Variants in MYO1B observed in about 807,000 individuals in gnomAD.
MYO1B encodes the protein myosin IB.
MYO1B carries 72 observed loss-of-function variants against 159.7 expected under a neutral mutation model. The ratio of observed to expected loss-of-function variants is 0.45; its 90% CI spans 0.37 to 0.55. The LOEUF is 0.55. Among genes scored for constraint, MYO1B ranks in the 20% least tolerant of loss-of-function variants. The probability of loss-of-function intolerance (pLI) is 0.00; values close to 1 mark genes in which losing one functional copy is unlikely to be tolerated. For synonymous variants in MYO1B, 468 were observed against 473.8 expected (o/e 0.99, Z 0.16); for missense variants, 1,062 against 1,364.8 (o/e 0.78, Z 3.50).
At chr2:191,394,844 G>A (rs757986778) in intron 20 of MYO1B, among the ~76,000 whole-genome samples, 21 of 152,170 alleles carry the variant, frequency 1.4e-4, no homozygotes, top group Non-Finnish European at 2.9e-4. Context: ...CAGGAGTTAT[G>A]AGCAATATTA....
chr2:191,331,032 G>A (rs1202929012), intron 4 of MYO1B, among the ~76,000 whole-genome samples: 3 of 152,112 alleles, frequency 2.0e-5, no homozygotes, highest in African/African-American at 7.2e-5. Context: ...TATCTACATC[G>A]AAATGGTTTT....
intron 2 of MYO1B, among the ~76,000 whole-genome samples, chr2:191,288,419 G>T (rs1035665218): frequency 1.3e-5 from 2 of 152,048 alleles, no homozygotes; most frequent in African/African-American, 4.8e-5. Context: ...GCAGTTCATA[G>T]TGACCTTTCT....
In MYO1B at chr2:191,409,806, C is replaced by T. The variant is rs546994848; in HGVS notation, c.2766+628C>T. ...TGCCCAGCATGGAACACGTGGGGCA[C>T]TTGTATAGATGTTGACCTTACTTCG... On this transcript the variant is annotated intron_variant, in intron 26 of 30. Transcript: ENST00000392318. Among the ~76,000 whole-genome samples the T allele has an allele frequency of 2.0e-5, 3 of 152,216 alleles. No homozygotes were observed. In the South Asian group the frequency reaches 6.2e-4, roughly 32 times the overall value.
Position 191,402,707 on chromosome 2 carries a change from C to T in MYO1B, c.2545C>T (p.Leu849Phe), listed in dbSNP as rs921385340. ...HAVAVIWAYW[L>F]GLKVRREYRK... is the part of the protein sequence containing the mutation. ...AGTTGCTGTCATTTGGGCTTACTGG[C>T]TTGGACTGAAGGTACTTCCTCAACC... is the stretch of plus-strand genomic sequence containing the variant. The change falls in exon 24 of 31, where the codon CTT becomes TTT. Residue 849 changes from leucine to phenylalanine, a missense_variant. Physicochemically the swap from Leu to Phe is conservative, Grantham distance 22. This residue lies in a region of MYO1B where 609 missense variants were observed against 744.4 expected (regional missense o/e 0.82). Coordinates refer to ENST00000392318, the MANE Select transcript of MYO1B (RefSeq NM_001130158.3). The T allele has an allele frequency of 2.5e-6, 4 of 1,612,792 alleles. No homozygotes were observed. In the African/African-American group the frequency reaches 5.3e-5, roughly 22 times the overall value.
intron 1 of MYO1B, among the ~76,000 whole-genome samples, chr2:191,270,108 G>A (rs897582370): frequency 1.3e-5 from 2 of 152,088 alleles, no homozygotes; most frequent in African/African-American, 4.8e-5. Flanking sequence ...AGTGGTGGGG[G>A]CATTATGGAT....
At position 191,260,100 on chromosome 2, in the gene MYO1B, A is replaced by G. The variant is rs1210759935; in HGVS notation, c.-10+14474A>G. The stretch of plus-strand genomic sequence containing the variant: ...GAATGGAGAAGCACTAAGGAAAATA[A>G]GGAGTGTCCGGAGGTGGGATGTGGA... On this transcript the variant is annotated intron_variant, in intron 1 of 30. Coordinates refer to ENST00000392318, the MANE Select transcript of MYO1B (RefSeq NM_001130158.3). Among the ~76,000 whole-genome samples, 3 of 152,050 alleles carry G rather than the reference A, an allele frequency of 2.0e-5. No homozygotes were observed. In the East Asian group the frequency reaches 5.8e-4, roughly 29 times the overall value.
At position 191,396,443 on chromosome 2, in the gene MYO1B, C is replaced by T. The variant is rs1355720513; in HGVS notation, c.2241C>T (p.Tyr747=). The T allele has an allele frequency of 4.3e-6, 7 of 1,614,014 alleles. No individual in the cohort carries two copies. In the African/African-American group the frequency reaches 6.7e-5, roughly 15 times the overall value. Residue 747 remains tyrosine (Y), a synonymous_variant, in exon 21 of 31, where the codon TAC becomes TAT. Coordinates refer to ENST00000392318, the MANE Select transcript of MYO1B (RefSeq NM_001130158.3). Reference sequence around the variant, plus strand: ...TTATCCTACAGCAACAAAAGAGGTACCAGCAGACAAAGAGTTCCGCCTTAG... The same window carrying T: ...TTATCCTACAGCAACAAAAGAGGTATCAGCAGACAAAGAGTTCCGCCTTAG... ...WYRRYAQQKR[Y]QQTKSSALVI...
At chr2:191,296,344 A>C (rs913445156) in intron 3 of MYO1B, 118 bp downstream of exon 3, 10 of 416,810 alleles carry the variant, frequency 2.4e-5, no homozygotes, top group Non-Finnish European at 4.0e-5. Context: ...TTTTTTTAAA[A>C]AGTTTGATAA....
intron 2 of MYO1B, among the ~76,000 whole-genome samples, chr2:191,291,316 G>A (rs529802576): frequency 9.2e-5 from 14 of 152,272 alleles, no homozygotes; most frequent in African/African-American, 2.9e-4. Flanking sequence ...TAGGAAGGTC[G>A]AGATGGTTTT....
intron 1 of MYO1B, among the ~76,000 whole-genome samples, chr2:191,265,296 T>G (rs1487841748): frequency 2.0e-5 from 3 of 151,538 alleles, no homozygotes; most frequent in Admixed American, 6.6e-5. Context: ...CCAAAACTAA[T>G]GGGTAGAGGA....
At chr2:191,380,733 A>C (rs920597060) in intron 13 of MYO1B, among the ~76,000 whole-genome samples, 5 of 152,086 alleles carry the variant, frequency 3.3e-5, no homozygotes, top group African/African-American at 1.2e-4. Context: ...ACAGAGAGAG[A>C]GATTGTTTCT....
At chr2:191,347,193 T>C (rs1692623856) in intron 6 of MYO1B, among the ~76,000 whole-genome samples, 1 of 152,176 alleles carries the variant, frequency 6.6e-6, no homozygotes, top group Admixed American at 6.5e-5. Context: ...CTTTCCTCCT[T>C]AAGGTTATTT....
intron 13 of MYO1B, chr2:191,377,567 A>T (rs1044086754): frequency 6.6e-6 from 1 of 152,126 alleles, no homozygotes; most frequent in Non-Finnish European, 1.5e-5. Context: ...GGGCCTTCCT[A>T]TTCATCTGGT....
chr2:191,379,720 A>T (rs1393655468), intron 13 of MYO1B, among the ~76,000 whole-genome samples: 2 of 152,174 alleles, frequency 1.3e-5, no homozygotes, highest in East Asian at 3.8e-4. Flanking sequence ...TGCTCTTATA[A>T]GTTATTAATG....
At chr2:191,332,348 T>C (rs1283221793) in intron 4 of MYO1B, among the ~76,000 whole-genome samples, 2 of 151,220 alleles carry the variant, frequency 1.3e-5, no homozygotes, top group African/African-American at 4.9e-5. Flanking sequence ...AAGTAAGATA[T>C]TATAGGATTT....
chr2:191,384,329 T>C lies in MYO1B; in HGVS notation c.1353+987T>C, dbSNP rs192778142. On this transcript the variant is annotated intron_variant, in intron 15 of 30. Transcript: ENST00000392318. ...AGCAAGACCAGTTTAGTGAGATGAG[T>C]GCTGTGTTTCAGGAATACAGTCACA... Among the ~76,000 whole-genome samples, 348 of 152,318 alleles carry C rather than the reference T, an allele frequency of 2.3e-3. 3 individuals are homozygous for C. The highest frequency in any genetic ancestry group is 3.5e-3 in the Non-Finnish European group (236 of 68,022).
Position 191,296,190 on chromosome 2 carries a change from A to G in MYO1B, c.215A>G (p.Tyr72Cys), listed in dbSNP as rs755362178. 4.3e-6 allele frequency: 7 copies of G among 1,609,856 alleles called. No homozygotes were observed. ...PIYSPEKVEE[Y>C]RNRNFYELSP... ...TATTCACCAGAGAAAGTGGAAGAAT[A>G]CAGGAACAGAAATTTTTATGAACTG... Residue 72 changes from tyrosine to cysteine, a missense_variant, in exon 3 of 31, where the codon TAC (tyrosine) becomes TGC (cysteine). This residue lies in a region of MYO1B where 415 missense variants were observed against 544.0 expected (regional missense o/e 0.76). Transcript: ENST00000392318.
rs144285175 is a variant in MYO1B at position 191,414,654 on chromosome 2, C to T, written c.3144C>T (p.Ala1048=). The change falls in exon 29 of 31, where the codon GCC becomes GCT. Residue 1048 remains alanine, a synonymous_variant. Transcript: ENST00000392318. The stretch of plus-strand genomic sequence containing the variant: ...GCTCACAAAATGATGGCTTCTTCGC[C>T]GTCCACCTCAAAGAGGTAAAGGTTC... The part of the protein sequence containing the change: ...SMSSQNDGFF[A]VHLKEGSEAA... The T allele has an allele frequency of 1.1e-4, 185 of 1,611,128 alleles. No individual in the cohort carries two copies. Among genetic ancestry groups the T allele is most frequent in the Non-Finnish European group, 7.7e-5 (91 of 1,179,030 alleles).
chr2:191,360,991 C>G (rs1242032273), intron 8 of MYO1B, among the ~76,000 whole-genome samples: 3 of 152,144 alleles, frequency 2.0e-5, no homozygotes, highest in Admixed American at 2.0e-4. Context: ...CCCCTTCCTT[C>G]TTAAGAATAT....
Sources: allele counts gnomAD v4.1 joint callset (sites outside exome capture counted in the v4.1 genomes callset), GRCh38; gene constraint gnomAD v4.1.1; regional missense constraint gnomAD v4.1.1; transcripts MANE v1.5; gene names NCBI Gene and HGNC (gene_info 2026-07-23, HGNC 2026-07-21).